The following EHBP1 variants were observed in gnomAD, a reference collection of about 807,000 sequenced individuals.
EHBP1 encodes EH domain binding protein 1.
A neutral mutation model predicts 144.0 loss-of-function variants in EHBP1; 55 were observed. That is an observed-to-expected ratio of 0.38 (90% CI 0.31 to 0.48). The LOEUF is 0.48. Among genes scored for constraint, EHBP1 ranks in the 20% least tolerant of loss-of-function variants. The pLI is 0.98. For synonymous variants in EHBP1, 469 were observed against 472.7 expected, an observed-to-expected ratio of 0.99 and a Z score of 0.10; for missense variants, 1,200 against 1,364.2, an observed-to-expected ratio of 0.88 and a Z score of 1.90.
intron 10 of EHBP1, 66 bp downstream of exon 10, chr2:62,874,598 T>A: frequency 7.2e-7 from 1 of 1,381,570 alleles, no homozygotes; most frequent in Non-Finnish European, 9.8e-7. Flanking sequence ...CCATTTAATT[T>A]AAATTAAGAA....
chr2:62,917,867 G>A (rs1182071351), intron 10 of EHBP1, among the ~76,000 whole-genome samples: 1 of 150,702 alleles, frequency 6.6e-6, no homozygotes, highest in Non-Finnish European at 1.5e-5. Context: ...TTCTGGTTTC[G>A]TTTGTTTAGT....
intron 3 of EHBP1, among the ~76,000 whole-genome samples, chr2:62,756,370 T>TA (rs1285812505): frequency 3.3e-5 from 5 of 152,230 alleles, no homozygotes; most frequent in Non-Finnish European, 5.9e-5. Context: ...CTTAACATTT[T>TA]AAAATCTTTC....
At chr2:62,779,924 A>G (rs10153716) in intron 5 of EHBP1, among the ~76,000 whole-genome samples, 55,145 of 151,876 alleles carry the variant, frequency 0.36, 10,128 homozygotes, top group Middle Eastern at 0.55. Flanking sequence ...TATTTCATCA[A>G]TTCTTCTACT....
In EHBP1 at chr2:62,948,942, A is replaced by T; in HGVS notation, c.2096A>T (p.Lys699Ile). 1 of 1,614,102 alleles carries T rather than the reference A, an allele frequency of 6.2e-7. No individual in the cohort carries two copies. Among genetic ancestry groups the T allele is most frequent in the East Asian group, 2.2e-5 (1 of 44,844 alleles). ...QTLDIGSNLE[K>I]EKLENSRSLE... ...CTAGACATCGGTAGTAACTTGGAGAAAGAAAAATTAGAGAATTCCAGATCC... is the reference window on the plus strand; with the variant it reads ...CTAGACATCGGTAGTAACTTGGAGATAGAAAAATTAGAGAATTCCAGATCC... The change falls in exon 13 of 23, where the codon AAA becomes ATA. Residue 699 changes from lysine to isoleucine, a missense_variant. Around this residue, in one of 6 missense-constraint regions of EHBP1, gnomAD observed 543 missense variants for 513.1 expected, o/e 1.06. Transcript: ENST00000431489.
chr2:63,016,523 C>T (rs1311469885), intron 19 of EHBP1, among the ~76,000 whole-genome samples: 1 of 151,892 alleles, frequency 6.6e-6, no homozygotes, highest in Admixed American at 6.6e-5. Flanking sequence ...CTCTGCCTCC[C>T]AGGTTCAAGT....
At chr2:62,745,566 G>A (rs1193656603) in intron 2 of EHBP1, among the ~76,000 whole-genome samples, 1 of 151,962 alleles carries the variant, frequency 6.6e-6, no homozygotes, top group Non-Finnish European at 1.5e-5. Flanking sequence ...ATGTGTTCAG[G>A]GGTTGGTTAT....
At chr2:62,763,617 C>T (rs563330208) in intron 3 of EHBP1, among the ~76,000 whole-genome samples, 1 of 152,234 alleles carries the variant, frequency 6.6e-6, no homozygotes, top group South Asian at 2.1e-4. Context: ...TCCATTAGCT[C>T]AACTTTGACT....
intron 8 of EHBP1, among the ~76,000 whole-genome samples, chr2:62,864,057 G>A (rs1232844131): frequency 6.6e-6 from 1 of 151,792 alleles, no homozygotes; most frequent in African/African-American, 2.4e-5. Context: ...ATGTTGGCCA[G>A]GCTGGTCTTG....
intron 19 of EHBP1, among the ~76,000 whole-genome samples, chr2:63,013,519 C>A (rs1053388934): frequency 6.6e-6 from 1 of 151,994 alleles, no homozygotes; most frequent in Non-Finnish European, 1.5e-5. Flanking sequence ...TGCTTGAAAC[C>A]CCCCCAAAAG....
intron 19 of EHBP1, among the ~76,000 whole-genome samples, chr2:63,004,690 T>A (rs1006949731): frequency 2.6e-5 from 4 of 152,130 alleles, no homozygotes; most frequent in Admixed American, 1.3e-4. Context: ...TTTGTAATTT[T>A]AGCATACAGC....
chr2:62,935,935 A>G (rs1280093681), intron 10 of EHBP1, among the ~76,000 whole-genome samples: 2 of 152,210 alleles, frequency 1.3e-5, no homozygotes, highest in Admixed American at 6.5e-5. Context: ...TAATTGGTCA[A>G]GTTACCTCAA....
At chr2:62,878,051 G>GT (rs1185445383) in intron 10 of EHBP1, among the ~76,000 whole-genome samples, 2 of 152,132 alleles carry the variant, frequency 1.3e-5, no homozygotes, top group East Asian at 3.8e-4. Flanking sequence ...CCAAAAGTTG[G>GT]TTTTTTGAAA....
At chr2:63,017,597 C>T (rs1489294479) in intron 19 of EHBP1, among the ~76,000 whole-genome samples, 1 of 152,010 alleles carries the variant, frequency 6.6e-6, no homozygotes, top group African/African-American at 2.4e-5. Context: ...TAAATGTTAG[C>T]TATTATTATT....
At chr2:62,675,237 T>A (rs2033241389) in intron 1 of EHBP1, among the ~76,000 whole-genome samples, 1 of 152,158 alleles carries the variant, frequency 6.6e-6, no homozygotes, top group South Asian at 2.1e-4. Flanking sequence ...CTGTGCCCTG[T>A]GAAAAAGTGT....
At chr2:62,857,533 T>A (rs576210053) in intron 7 of EHBP1, among the ~76,000 whole-genome samples, 24 of 152,326 alleles carry the variant, frequency 1.6e-4, no homozygotes, top group African/African-American at 5.5e-4. Context: ...TACAACTGTG[T>A]TCTACTTCCA....
chr2:62,725,633 G>A (rs1006717375), intron 2 of EHBP1, among the ~76,000 whole-genome samples: 3 of 152,166 alleles, frequency 2.0e-5, no homozygotes, highest in African/African-American at 7.2e-5. Flanking sequence ...GAGTTGGATG[G>A]CTCTGTGCCT....
At chr2:63,020,323 C>CAAAAAAAAAAAAAAAAAAAAAAAAA (rs1001418542) in intron 19 of EHBP1, among the ~76,000 whole-genome samples, 1 of 45,284 alleles carries the variant, frequency 2.2e-5, no homozygotes, top group African/African-American at 8.5e-5. Context: ...GACTCTGTCT[C>CAAAAAAAAAAAAAAAAAAAAAAAAA]AAAAAAAAAA....
chr2:62,943,722 A>AT, intron 11 of EHBP1, 80 bp from the exon 12 acceptor site: 3 of 986,200 alleles, frequency 3.0e-6, no homozygotes, highest in Non-Finnish European at 4.4e-6. Context: ...TGAATGTCAA[A>AT]TTTTTAGATT....
intron 1 of EHBP1, among the ~76,000 whole-genome samples, chr2:62,688,194 A>G (rs2151741582): frequency 6.6e-6 from 1 of 152,356 alleles, no homozygotes; most frequent in Non-Finnish European, 1.5e-5. Context: ...TATTTCCAAT[A>G]GCATGAGAGA....
Sources: allele counts gnomAD v4.1 joint callset (sites outside exome capture counted in the v4.1 genomes callset), GRCh38; gene constraint gnomAD v4.1.1; regional missense constraint gnomAD v4.1.1; transcripts MANE v1.5; gene names NCBI Gene and HGNC (gene_info 2026-07-23, HGNC 2026-07-21).